Variants in CALN1 observed in about 807,000 individuals in gnomAD.
The protein encoded by CALN1 is calneuron 1.
CALN1 carries 17 observed loss-of-function variants against 30.6 expected under a neutral mutation model. The observed-to-expected ratio is 0.56, with a 90% CI of 0.38 to 0.83. The LOEUF is 0.83. Among genes scored for constraint, CALN1 ranks in the 40% least tolerant of loss-of-function variants. CALN1 has a pLI of 0.00. For synonymous variants in CALN1, 156 were observed against 131.4 expected, an observed-to-expected ratio of 1.19 and a Z score of -1.28; for missense variants, 291 against 354.9, an observed-to-expected ratio of 0.82 and a Z score of 1.45.
chr7:72,133,745 A>T (rs769419226), intron 3 of CALN1, among the ~76,000 whole-genome samples: 1 of 152,224 alleles, frequency 6.6e-6, no homozygotes, highest in Non-Finnish European at 1.5e-5. Context: ...TCACCCCTAC[A>T]TATCACCTGA....
At chr7:72,314,374 C>T (rs148621974) in intron 2 of CALN1, among the ~76,000 whole-genome samples, 3 of 39,968 alleles carry the variant, frequency 7.5e-5, no homozygotes, top group African/African-American at 1.1e-4. Context: ...TACATATATA[C>T]ACATATATAC....
intron 4 of CALN1, among the ~76,000 whole-genome samples, chr7:72,027,153 T>G (rs901395425): frequency 6.6e-6 from 1 of 152,186 alleles, no homozygotes; most frequent in Non-Finnish European, 1.5e-5. Flanking sequence ...ACAGTGTATC[T>G]GTACAAAATT....
chr7:72,099,747 C>T (rs1179259270), intron 4 of CALN1, among the ~76,000 whole-genome samples: 1 of 152,034 alleles, frequency 6.6e-6, no homozygotes, highest in Non-Finnish European at 1.5e-5. Flanking sequence ...GGCAACAAAA[C>T]AAAACTTCAA....
In CALN1 at chr7:72,023,641, A is replaced by C. The variant is rs763008655; in HGVS notation, c.501+16T>G. On this transcript the variant is annotated intron_variant, in intron 5 of 6. Coordinates refer to ENST00000395275, the MANE Select transcript of CALN1 (RefSeq NM_031468.4). ...TTACTGTCAAACTTAGTCTGAAAAA[A>C]AATATTCTTACTCACCTGCCAGAAT... 4 of 1,602,184 alleles carry C rather than the reference A, an allele frequency of 2.5e-6. No individual in the cohort carries two copies. In the African/African-American group the frequency reaches 4.0e-5, roughly 16 times the overall value.
At chr7:72,350,626 T>G (rs1253229459) in intron 2 of CALN1, among the ~76,000 whole-genome samples, 1 of 152,104 alleles carries the variant, frequency 6.6e-6, no homozygotes, top group Admixed American at 6.6e-5. Flanking sequence ...CAGGGCCTAT[T>G]TGAGGGTGGA....
rs911842838 is a variant in CALN1 at position 71,784,497 on chromosome 7, C to T, written c.*3278G>A. The T allele has an allele frequency of 7.6e-6, 2 of 263,372 alleles. No homozygotes were observed. Among genetic ancestry groups the T allele is most frequent in the African/African-American group, 2.2e-5 (1 of 45,412 alleles). The allele number at this position is 263,372 out of a possible 1,614,324, so 16.3% of individuals were successfully genotyped here. A position where few individuals can be genotyped will look rare whatever the true frequency, so the allele number is the denominator to read the frequency against. ...TTCTGGAAGCCATTGCTAATAGTCC[C>T]GATGCTAGATTCTGTCTGGGGGCTT... On this transcript the variant is annotated 3_prime_UTR_variant, in exon 7 of 7. Coordinates refer to ENST00000395275, the MANE Select transcript of CALN1 (RefSeq NM_031468.4).
At chr7:72,163,573 T>G (rs934247614) in intron 3 of CALN1, among the ~76,000 whole-genome samples, 4 of 152,242 alleles carry the variant, frequency 2.6e-5, no homozygotes, top group African/African-American at 9.6e-5. Flanking sequence ...GGAGAACCTC[T>G]GCAGAGAAAC....
intron 2 of CALN1, among the ~76,000 whole-genome samples, chr7:72,381,650 T>G (rs995368102): frequency 2.0e-5 from 3 of 151,898 alleles, no homozygotes; most frequent in Non-Finnish European, 4.4e-5. Context: ...AGCTGAATAA[T>G]GAGAACGTAT....
At chr7:71,944,752 C>A (rs768564603) in intron 5 of CALN1, among the ~76,000 whole-genome samples, 6 of 152,068 alleles carry the variant, frequency 3.9e-5, no homozygotes, top group Non-Finnish European at 7.4e-5. Flanking sequence ...CATCCGAAGT[C>A]AAGAATCTGT....
At chr7:72,206,017 CCTG>C (rs1791853687) in intron 3 of CALN1, among the ~76,000 whole-genome samples, 1 of 152,114 alleles carries the variant, frequency 6.6e-6, no homozygotes, top group Non-Finnish European at 1.5e-5. Flanking sequence ...TACTGGTCTC[CCTG>C]CTTTCATAGC....
intron 3 of CALN1, among the ~76,000 whole-genome samples, chr7:72,272,656 A>G (rs1000846621): frequency 6.6e-6 from 1 of 152,188 alleles, no homozygotes. Context: ...CCCGCCAATG[A>G]AATTGGAGAG....
Position 72,278,774 on chromosome 7 carries a change from C to T in CALN1, c.156G>A (p.Leu52=). 3.7e-6 allele frequency: 6 copies of T among 1,613,880 alleles called. No homozygotes were observed. In the East Asian group the frequency reaches 8.9e-5, roughly 24 times the overall value. ...KMPFHHVTAG[L]LYKGNYLNRS... is the part of the protein sequence containing the mutation. ...GGTTGAGGTAATTCCCCTTGTACAA[C>T]AAGCCGGCGGTCACATGGTGGAACG... The change falls in exon 3 of 7, where the codon TTG becomes TTA. Residue 52 remains leucine (L), a synonymous_variant. Coordinates refer to ENST00000395275, the MANE Select transcript of CALN1 (RefSeq NM_031468.4).
intron 3 of CALN1, among the ~76,000 whole-genome samples, chr7:72,157,590 G>A (rs1787793804): frequency 6.6e-6 from 1 of 152,096 alleles, no homozygotes; most frequent in Middle Eastern, 3.2e-3. Context: ...AAAAAACAGG[G>A]TATTTTTGAA....
intron 6 of CALN1, among the ~76,000 whole-genome samples, chr7:71,800,175 T>C (rs749021028): frequency 4.6e-5 from 7 of 152,154 alleles, no homozygotes; most frequent in Non-Finnish European, 1.0e-4. Context: ...GGCTGCAGAA[T>C]TCCTTCTGAC....
intron 3 of CALN1, among the ~76,000 whole-genome samples, chr7:72,203,718 T>C (rs150109131): frequency 1.3e-5 from 2 of 152,314 alleles, no homozygotes; most frequent in African/African-American, 4.8e-5. Context: ...CAAAGAGCTT[T>C]ATTCCTCCTT....
At chr7:72,036,378 C>A (rs1315067206) in intron 4 of CALN1, among the ~76,000 whole-genome samples, 1 of 152,110 alleles carries the variant, frequency 6.6e-6, no homozygotes, top group Non-Finnish European at 1.5e-5. Context: ...TAATATTTTT[C>A]ATCAAATTTA....
rs527571541 is a variant in CALN1 at position 72,328,894 on chromosome 7, G to A, written c.120-50084C>T. ...ATATTTTTAGTAGAGACGGGGTTTC[G>A]CCAGGTTGGCCAGGCTGGTCTTGAA... On this transcript the variant is annotated intron_variant, in intron 2 of 6. Coordinates refer to ENST00000395275, the MANE Select transcript of CALN1 (RefSeq NM_031468.4). 4.0e-4 allele frequency among the ~76,000 whole-genome samples: 61 copies of A among 152,188 alleles called. No homozygotes were observed. The South Asian group carries it at 9.7e-3, about 24-fold the overall frequency.
At chr7:72,404,375 T>C (rs1000444420) in intron 1 of CALN1, among the ~76,000 whole-genome samples, 8 of 152,202 alleles carry the variant, frequency 5.3e-5, no homozygotes, top group Admixed American at 2.6e-4. Context: ...ACACAGTTAA[T>C]CAATGTCAGT....
At chr7:72,177,653 T>A (rs1416110367) in intron 3 of CALN1, among the ~76,000 whole-genome samples, 2 of 149,362 alleles carry the variant, frequency 1.3e-5, no homozygotes, top group Non-Finnish European at 3.0e-5. Context: ...TAATCCCAAC[T>A]ACTTGGAAGG....
Sources: allele counts gnomAD v4.1 joint callset (sites outside exome capture counted in the v4.1 genomes callset), GRCh38; gene constraint gnomAD v4.1.1; transcripts MANE v1.5; gene names NCBI Gene and HGNC (gene_info 2026-07-23, HGNC 2026-07-21).